Variants in SMARCA5 observed in about 807,000 individuals in gnomAD.
SMARCA5 encodes SWI/SNF-related matrix-associated actin-dependent regulator of chromatin subfamily A member 5.
In SMARCA5, 18 loss-of-function variants were observed where a neutral mutation model predicts 140.4. The observed-to-expected ratio is 0.13, with a 90% CI of 0.09 to 0.19. The LOEUF (loss-of-function observed/expected upper bound fraction) is 0.19. Ranked by LOEUF, SMARCA5 falls within the 10% of genes least tolerant of loss-of-function variation. The pLI, the probability that SMARCA5 is intolerant of heterozygous loss-of-function variation, is 1.00. For missense variants in SMARCA5, 606 were observed against 1,276.8 expected, an observed-to-expected ratio of 0.47 and a Z score of 8.01; for synonymous variants, 449 against 419.6, an observed-to-expected ratio of 1.07 and a Z score of -0.86.
At chr4:143,539,944 A>C (rs368245741) in intron 13 of SMARCA5, among the ~76,000 whole-genome samples, 2 of 152,318 alleles carry the variant, frequency 1.3e-5, no homozygotes, top group South Asian at 4.1e-4. Flanking sequence ...AAGTAAAACA[A>C]ATTCATATTC....
At chr4:143,541,975 A>G (rs147381584) in intron 14 of SMARCA5, among the ~76,000 whole-genome samples, 2,840 of 151,846 alleles carry the variant, frequency 0.019, 109 homozygotes, top group African/African-American at 0.066. Flanking sequence ...CTGCTGCCTC[A>G]GCCTCCTGAG....
chr4:143,532,227 G>A (rs1331220732), intron 9 of SMARCA5, among the ~76,000 whole-genome samples: 2 of 152,114 alleles, frequency 1.3e-5, no homozygotes, highest in South Asian at 2.1e-4. Flanking sequence ...AATTCAGATG[G>A]CATTCATGCA....
chr4:143,543,766 T>C, intron 15 of SMARCA5, 87 bp from the exon 16 acceptor site: 1 of 1,516,446 alleles, frequency 6.6e-7, no homozygotes, highest in Non-Finnish European at 9.0e-7. Flanking sequence ...AGAGAAGCTT[T>C]TGTGTACGTG....
intron 2 of SMARCA5, among the ~76,000 whole-genome samples, chr4:143,519,814 C>G (rs1422207159): frequency 6.6e-6 from 1 of 152,094 alleles, no homozygotes; most frequent in Non-Finnish European, 1.5e-5. Context: ...TATTGCCTAT[C>G]AGTCTCATTT....
chr4:143,536,382 A>G, intron 10 of SMARCA5, 70 bp from the exon 11 acceptor site: 2 of 997,372 alleles, frequency 2.0e-6, no homozygotes, highest in Non-Finnish European at 3.2e-6. Flanking sequence ...GAAGGGGATT[A>G]AGTATGTAAA....
intron 14 of SMARCA5, among the ~76,000 whole-genome samples, chr4:143,541,584 T>C (rs996385919): frequency 3.9e-5 from 6 of 152,204 alleles, no homozygotes; most frequent in Non-Finnish European, 7.3e-5. Flanking sequence ...TCATGCCAAC[T>C]TGAGATGTTA....
chr4:143,525,445 T>A lies in SMARCA5; in HGVS notation c.521-6T>A. The A allele has an allele frequency of 6.3e-7, 1 of 1,587,844 alleles. No homozygotes were observed. The highest frequency in any genetic ancestry group is 8.6e-7 in the Non-Finnish European group (1 of 1,156,218). ...AATGCCTATTGTGCTTTTCTTTTGT[T>A]CTTAGATGTAAAATGGGGTAAACTG... On this transcript the variant is annotated splice_polypyrimidine_tract_variant and splice_region_variant and intron_variant, in intron 4 of 23. Transcript: ENST00000283131.
intron 3 of SMARCA5, among the ~76,000 whole-genome samples, chr4:143,523,075 C>T (rs1736995877): frequency 6.6e-6 from 1 of 152,048 alleles, no homozygotes; most frequent in Non-Finnish European, 1.5e-5. Flanking sequence ...TGCTCTGTGG[C>T]CCAGGCTGGA....
intron 10 of SMARCA5, among the ~76,000 whole-genome samples, chr4:143,535,975 C>T (rs1023110465): frequency 6.6e-6 from 1 of 152,102 alleles, no homozygotes; most frequent in Non-Finnish European, 1.5e-5. Context: ...ATATTATTCT[C>T]ATCATCATGC....
intron 9 of SMARCA5, among the ~76,000 whole-genome samples, chr4:143,532,334 T>C (rs1288204937): frequency 3.3e-5 from 5 of 152,204 alleles, no homozygotes; most frequent in African/African-American, 9.6e-5. Flanking sequence ...TGATTTTTTT[T>C]CATGCATTTT....
chr4:143,542,204 T>G (rs1431548781), intron 14 of SMARCA5, among the ~76,000 whole-genome samples: 1 of 152,152 alleles, frequency 6.6e-6, no homozygotes, highest in Non-Finnish European at 1.5e-5. Flanking sequence ...TGATTCATAA[T>G]TAATTTAGAA....
rs186551791 is a variant in SMARCA5, at chr4:143,543,843, T to C, written c.2053-10T>C. On this transcript the variant is annotated splice_polypyrimidine_tract_variant and intron_variant, in intron 15 of 23. Transcript: ENST00000283131. ...TGTGAATCTAAGAAGCTGATTGTTTTGTTCTCTAGACTGCAGAGATGAATG... is the reference window on the plus strand; with the variant it reads ...TGTGAATCTAAGAAGCTGATTGTTTCGTTCTCTAGACTGCAGAGATGAATG... 2.5e-6 allele frequency: 4 copies of C among 1,586,352 alleles called. No homozygotes were observed. In the East Asian group the frequency reaches 9.0e-5, roughly 36 times the overall value.
chr4:143,519,354 C>T lies in SMARCA5; in HGVS notation c.252+1925C>T, dbSNP rs187171817. ...AGTTTATTCTCTTTTCCATATCACC[C>T]TAGTTTAGTATTTTTCTATTATTGC... On this transcript the variant is annotated intron_variant, in intron 2 of 23. Transcript: ENST00000283131. Among the ~76,000 whole-genome samples, 32 of 152,134 alleles carry T rather than the reference C, an allele frequency of 2.1e-4. 1 individual carries two copies. The East Asian group carries it at 6.2e-3, about 29-fold the overall frequency.
In SMARCA5 at chr4:143,521,414, A is replaced by C. The variant is rs756886153; in HGVS notation, c.253-15A>C. 2.7e-5 allele frequency: 35 copies of C among 1,293,472 alleles called. No homozygotes were observed. In the South Asian group the frequency reaches 4.8e-4, roughly 18 times the overall value. The allele number at this position is 1,293,472 out of a possible 1,614,324, so 80.1% of individuals were successfully genotyped here. On this transcript the variant is annotated splice_polypyrimidine_tract_variant and intron_variant, in intron 2 of 23. Coordinates refer to ENST00000283131, the MANE Select transcript of SMARCA5 (RefSeq NM_003601.4). ...GATACTCTGATAAAATGTATCTTAA[A>C]TTTTTTTTTTTCAGCAAACTGACCG...
chr4:143,540,335 A>T, intron 13 of SMARCA5, 28 bp from the exon 14 acceptor site: 1 of 1,556,538 alleles, frequency 6.4e-7, no homozygotes, highest in Non-Finnish European at 8.7e-7. Flanking sequence ...TTTAAACTAA[A>T]TTCAAAATAA....
intron 2 of SMARCA5, 35 bp from the exon 3 acceptor site, chr4:143,521,394 T>C: frequency 6.7e-7 from 1 of 1,503,234 alleles, no homozygotes; most frequent in Non-Finnish European, 9.1e-7. Flanking sequence ...TAATTGATAC[T>C]CTGATAAAAT....
intron 9 of SMARCA5, 108 bp from the exon 10 acceptor site, chr4:143,534,743 TACTC>T (rs1208580074): frequency 4.5e-6 from 3 of 673,906 alleles, no homozygotes; most frequent in African/African-American, 3.8e-5. Flanking sequence ...AATCACTTGA[TACTC>T]ACGCAGAGAA....
chr4:143,528,781 A>G (rs1249201413), intron 8 of SMARCA5, 67 bp downstream of exon 8: 12 of 1,448,774 alleles, frequency 8.3e-6, no homozygotes, highest in Non-Finnish European at 1.1e-5. Flanking sequence ...TTTTTGTAAT[A>G]AAAGTGGCCT....
chr4:143,549,599 A>G (rs1737601666), intron 22 of SMARCA5, among the ~76,000 whole-genome samples: 1 of 152,094 alleles, frequency 6.6e-6, no homozygotes, highest in Non-Finnish European at 1.5e-5. Flanking sequence ...GATTATACAC[A>G]CCTGTTAAAG....
Sources: allele counts gnomAD v4.1 joint callset (sites outside exome capture counted in the v4.1 genomes callset), GRCh38; gene constraint gnomAD v4.1.1; transcripts MANE v1.5; gene names NCBI Gene and HGNC (gene_info 2026-07-23, HGNC 2026-07-21).